The following ARHGAP15 variants were observed in gnomAD, a reference collection of about 807,000 sequenced individuals.
ARHGAP15 encodes the protein rho GTPase-activating protein 15.
A neutral mutation model predicts 63.7 loss-of-function variants in ARHGAP15; 51 were observed. The observed-to-expected ratio is 0.80, with a 90% CI of 0.64 to 1.01. ARHGAP15 has a LOEUF of 1.01. Ranked by LOEUF, ARHGAP15 falls within the 50% of genes least tolerant of loss-of-function variation. The pLI is 0.00. For synonymous variants in ARHGAP15, 191 were observed against 193.8 expected (o/e 0.99, Z 0.12); for missense variants, 560 against 564.6 (o/e 0.99, Z 0.08).
At chr2:143,743,492 C>G (rs1223937810) in intron 13 of ARHGAP15, among the ~76,000 whole-genome samples, 1 of 152,142 alleles carries the variant, frequency 6.6e-6, no homozygotes, top group African/African-American at 2.4e-5. Context: ...GATGTTCTTT[C>G]CCTGCCTGTG....
Position 143,216,434 on chromosome 2 carries a change from A to G in ARHGAP15, c.285A>G (p.Gly95=), listed in dbSNP as rs1388757007. 1 of 1,607,494 alleles carries G rather than the reference A, an allele frequency of 6.2e-7. No homozygotes were observed. The highest frequency in any genetic ancestry group is 8.5e-7 in the Non-Finnish European group (1 of 1,176,272). Residue 95 remains glycine (G), a synonymous_variant, in exon 4 of 14, where the codon GGA becomes GGG. Coordinates refer to ENST00000295095, the MANE Select transcript of ARHGAP15 (RefSeq NM_018460.4). ...YLQKAKIADG[G]KKLRKNWSTS... ...AAAAAGCTAAAATTGCAGATGGAGGAAAGAAACTAAGGTAATAAAATTCTT... is the reference window on the plus strand; with the variant it reads ...AAAAAGCTAAAATTGCAGATGGAGGGAAGAAACTAAGGTAATAAAATTCTT...
At chr2:143,580,009 T>A in intron 11 of ARHGAP15, among the ~76,000 whole-genome samples, 1 of 146,188 alleles carries the variant, frequency 6.8e-6, no homozygotes, top group Non-Finnish European at 1.5e-5. Flanking sequence ...TTTGTTTTAT[T>A]AAGAAAGAAC....
chr2:143,472,182 C>T (rs907446706), intron 8 of ARHGAP15, among the ~76,000 whole-genome samples: 2 of 152,050 alleles, frequency 1.3e-5, no homozygotes, highest in African/African-American at 4.8e-5. Context: ...TAACATTGTT[C>T]CACATTTATC....
chr2:143,682,122 A>G (rs949427445), intron 12 of ARHGAP15, among the ~76,000 whole-genome samples: 4 of 152,236 alleles, frequency 2.6e-5, no homozygotes, highest in Non-Finnish European at 5.9e-5. Flanking sequence ...TGTCATTTCT[A>G]TACAGTAGCA....
chr2:143,502,865 C>T (rs1383877793), intron 9 of ARHGAP15, among the ~76,000 whole-genome samples: 1 of 152,200 alleles, frequency 6.6e-6, no homozygotes, highest in East Asian at 1.9e-4. Context: ...CAGGTGTGAG[C>T]CACTGTGCCC....
intron 6 of ARHGAP15, among the ~76,000 whole-genome samples, chr2:143,416,612 G>T (rs919718657): frequency 3.3e-5 from 5 of 152,080 alleles, no homozygotes; most frequent in African/African-American, 1.2e-4. Context: ...GCCAAAGTTG[G>T]TAAGCCCTTT....
At chr2:143,732,178 G>A in intron 13 of ARHGAP15, among the ~76,000 whole-genome samples, 1 of 152,178 alleles carries the variant, frequency 6.6e-6, no homozygotes, top group East Asian at 1.9e-4. Flanking sequence ...TGGTCAGTTA[G>A]CACAAGCAAA....
At chr2:143,359,482 T>C (rs1041380583) in intron 6 of ARHGAP15, among the ~76,000 whole-genome samples, 8 of 152,202 alleles carry the variant, frequency 5.3e-5, no homozygotes, top group African/African-American at 1.9e-4. Context: ...TTTCTTCTCT[T>C]TGTGACTCTT....
chr2:143,335,761 A>G (rs1405826109), intron 6 of ARHGAP15, among the ~76,000 whole-genome samples: 1 of 152,166 alleles, frequency 6.6e-6, no homozygotes, highest in Non-Finnish European at 1.5e-5. Flanking sequence ...CCATAGGTGC[A>G]TGTGGTAGGA....
chr2:143,569,457 C>T (rs1696368046), intron 11 of ARHGAP15, among the ~76,000 whole-genome samples: 2 of 152,096 alleles, frequency 1.3e-5, no homozygotes, highest in African/African-American at 2.4e-5. Flanking sequence ...GAGGAGGAGA[C>T]ATTTGAATAG....
chr2:143,368,149 T>C (rs1686377700), intron 6 of ARHGAP15, among the ~76,000 whole-genome samples: 1 of 152,048 alleles, frequency 6.6e-6, no homozygotes, highest in African/African-American at 2.4e-5. Flanking sequence ...TTCAAGAAAA[T>C]CCTTGAAAAG....
chr2:143,288,466 A>T (rs920193635), intron 6 of ARHGAP15, among the ~76,000 whole-genome samples: 1 of 152,108 alleles, frequency 6.6e-6, no homozygotes, highest in South Asian at 2.1e-4. Context: ...GTGTTGCACA[A>T]TTTTTTTGAG....
At chr2:143,222,056 C>A (rs1465299167) in intron 4 of ARHGAP15, among the ~76,000 whole-genome samples, 1 of 152,222 alleles carries the variant, frequency 6.6e-6, no homozygotes, top group African/African-American at 2.4e-5. Flanking sequence ...CAGGCTGAAT[C>A]TTTCTTCATT....
chr2:143,453,020 G>A (rs772302241), intron 8 of ARHGAP15, among the ~76,000 whole-genome samples: 1 of 151,890 alleles, frequency 6.6e-6, no homozygotes, highest in Non-Finnish European at 1.5e-5. Context: ...GCATGGTATA[G>A]ATATGGTAAA....
At chr2:143,371,119 TATTG>T (rs1686530344) in intron 6 of ARHGAP15, among the ~76,000 whole-genome samples, 1 of 152,206 alleles carries the variant, frequency 6.6e-6, no homozygotes, top group Admixed American at 6.5e-5. Context: ...AAAAGAATAT[TATTG>T]GATATAGAAA....
At chr2:143,335,252 G>T (rs957751291) in intron 6 of ARHGAP15, among the ~76,000 whole-genome samples, 2 of 152,204 alleles carry the variant, frequency 1.3e-5, no homozygotes, top group African/African-American at 4.8e-5. Context: ...GATTAGCTGT[G>T]CAGTGAGAAA....
At chr2:143,215,606 G>A (rs771643105) in intron 3 of ARHGAP15, among the ~76,000 whole-genome samples, 1 of 152,090 alleles carries the variant, frequency 6.6e-6, no homozygotes, top group Non-Finnish European at 1.5e-5. Context: ...ACTTGGGATG[G>A]GGCATGTGAG....
chr2:143,453,293 G>T (rs1303874190), intron 8 of ARHGAP15, among the ~76,000 whole-genome samples: 1 of 151,942 alleles, frequency 6.6e-6, no homozygotes, highest in South Asian at 2.1e-4. Context: ...CTGGAGTGAG[G>T]TTGATGGTTT....
intron 3 of ARHGAP15, among the ~76,000 whole-genome samples, chr2:143,203,659 A>G (rs1216513571): frequency 1.3e-5 from 2 of 152,094 alleles, no homozygotes; most frequent in African/African-American, 2.4e-5. Context: ...TCCTCACATG[A>G]CTACCAGTAA....
Sources: gnomAD v4.1 joint callset for allele counts (sites outside exome capture counted in the v4.1 genomes callset) on GRCh38, gnomAD v4.1.1 for gene constraint, MANE v1.5 for transcripts, NCBI Gene and HGNC (gene_info 2026-07-23, HGNC 2026-07-21) for gene names.